The following CEP63 variants were observed in gnomAD, a reference collection of about 807,000 sequenced individuals.
CEP63 encodes centrosomal protein of 63 kDa.
Under a neutral mutation model 89.1 loss-of-function variants are expected in CEP63, and 84 were observed. That is an observed-to-expected ratio of 0.94 (90% CI 0.79 to 1.13). The LOEUF is 1.13. CEP63 is among the 50% of genes most tolerant of loss of function. The probability of loss-of-function intolerance (pLI) is 0.00; values close to 1 mark genes in which losing one functional copy is unlikely to be tolerated. For synonymous variants in CEP63, 267 were observed against 272.5 expected (o/e 0.98, Z 0.20); for missense variants, 838 against 813.3 (o/e 1.03, Z -0.37).
the CEP63 span, among the ~76,000 whole-genome samples, chr3:134,700,746 G>A: frequency 6.6e-6 from 1 of 152,058 alleles, no homozygotes; most frequent in Non-Finnish European, 1.5e-5. Flanking sequence ...GGGAGATGAA[G>A]GTCTCACTGT....
the CEP63 span, among the ~76,000 whole-genome samples, chr3:134,643,783 G>A: frequency 6.6e-6 from 1 of 151,890 alleles, no homozygotes; most frequent in Non-Finnish European, 1.5e-5. Flanking sequence ...TTCTGACCTG[G>A]GACTTGAACC....
the CEP63 span, among the ~76,000 whole-genome samples, chr3:134,768,462 G>A: frequency 1.3e-5 from 2 of 152,178 alleles, no homozygotes; most frequent in African/African-American, 2.4e-5. Context: ...GTGACCAGAG[G>A]CATTTTTCCT....
exon 12 of CEP63, chr3:134,574,930 C>T (rs1958161645): frequency 2.0e-6 from 1 of 489,676 alleles, no homozygotes; most frequent in Admixed American, 3.7e-5. Flanking sequence ...AACAATTTGT[C>T]AATGAAACAA....
chr3:134,520,702 G>T lies in CEP63; in HGVS notation c.223-11143G>T, dbSNP rs114804478. Among the ~76,000 whole-genome samples, 166 of 152,234 alleles carry T rather than the reference G, an allele frequency of 1.1e-3. 1 individual carries two copies. The highest frequency in any genetic ancestry group is 3.9e-3 in the African/African-American group (160 of 41,546). ...GATAGAAAAACAGACCAATGGAACA[G>T]AATAAAGAGTCCCGTAACAGAGATC... On this transcript the variant is annotated intron_variant, in intron 3 of 14. Coordinates refer to ENST00000675561, the MANE Select transcript of CEP63 (RefSeq NM_001353108.3).
At chr3:134,670,443 G>A in the CEP63 span, among the ~76,000 whole-genome samples, 12 of 152,246 alleles carry the variant, frequency 7.9e-5, no homozygotes, top group African/African-American at 2.4e-4. Context: ...AGAGAACAGA[G>A]TGGGGATCAA....
chr3:134,529,896 C>T (rs1238493300), intron 3 of CEP63, among the ~76,000 whole-genome samples: 7 of 96,148 alleles, frequency 7.3e-5, no homozygotes, highest in South Asian at 3.3e-4. Context: ...TTTTTTTAGA[C>T]GGGGTCTTGC....
At chr3:134,766,930 G>C in the CEP63 span, among the ~76,000 whole-genome samples, 1 of 152,196 alleles carries the variant, frequency 6.6e-6, no homozygotes, top group Admixed American at 6.5e-5. Context: ...GGCTTGAGAG[G>C]TTCCTGTAGC....
At chr3:134,762,371 C>T in the CEP63 span, among the ~76,000 whole-genome samples, 3 of 152,080 alleles carry the variant, frequency 2.0e-5, no homozygotes, top group African/African-American at 7.2e-5. Context: ...ACTTTCATCC[C>T]CCAGATGCCA....
At chr3:134,625,734 G>A in the CEP63 span, among the ~76,000 whole-genome samples, 3 of 152,266 alleles carry the variant, frequency 2.0e-5, no homozygotes, top group Admixed American at 6.5e-5. Flanking sequence ...CTGGAGACCT[G>A]AGCATCTCAA....
the CEP63 span, among the ~76,000 whole-genome samples, chr3:134,705,498 G>A: frequency 3.3e-5 from 5 of 152,190 alleles, no homozygotes; most frequent in African/African-American, 1.2e-4. Flanking sequence ...CTCCCAATAT[G>A]TTTCCATTGA....
chr3:134,650,687 G>C, the CEP63 span: 2 of 791,522 alleles, frequency 2.5e-6, no homozygotes, highest in East Asian at 3.0e-5. Context: ...GCGGGGAAGC[G>C]ACGGCAGCCA....
intron 11 of CEP63, among the ~76,000 whole-genome samples, chr3:134,551,123 G>C (rs1346262716): frequency 6.6e-6 from 1 of 152,176 alleles, no homozygotes; most frequent in Non-Finnish European, 1.5e-5. Context: ...GGAAACTGGT[G>C]GAGAGGACAT....
the CEP63 span, chr3:134,780,432 A>G: frequency 7.9e-5 from 12 of 152,204 alleles, no homozygotes; most frequent in African/African-American, 2.9e-4. Context: ...ATCCCCTGGT[A>G]ACCACTAATC....
chr3:134,498,897 A>G (rs1040156715), intron 2 of CEP63, among the ~76,000 whole-genome samples: 2 of 152,182 alleles, frequency 1.3e-5, no homozygotes, highest in African/African-American at 2.4e-5. Flanking sequence ...CCACTTGATC[A>G]TGCTGTATTA....
chr3:134,543,782 C>T (rs976735633), intron 6 of CEP63, among the ~76,000 whole-genome samples: 1 of 152,294 alleles, frequency 6.6e-6, no homozygotes, highest in African/African-American at 2.4e-5. Flanking sequence ...CCCTTTTCTC[C>T]TTCTCACCCT....
Position 134,565,020 on chromosome 3 carries a change from G to A in CEP63, c.*3485G>A, listed in dbSNP as rs1473875201. The A allele has an allele frequency of 2.1e-6, 2 of 943,572 alleles. No individual in the cohort carries two copies. Among genetic ancestry groups the A allele is most frequent in the Non-Finnish European group, 2.5e-6 (2 of 792,190 alleles). The allele number at this position is 943,572 out of a possible 1,614,324, so 58.4% of individuals were successfully genotyped here. A position where few individuals can be genotyped will look rare whatever the true frequency, so the allele number is the denominator to read the frequency against. On this transcript the variant is annotated 3_prime_UTR_variant, in exon 15 of 15. Coordinates refer to ENST00000675561, the MANE Select transcript of CEP63 (RefSeq NM_001353108.3). ...ATATTAATACCAAATATTAAAATGT[G>A]TCAAGACTAAATCTGAGTTAGTGTC...
chr3:134,597,390 A>C, the CEP63 span, among the ~76,000 whole-genome samples: 1 of 152,172 alleles, frequency 6.6e-6, no homozygotes, highest in Non-Finnish European at 1.5e-5. Flanking sequence ...TGGATCCCAG[A>C]TGGCTTTGGG....
chr3:134,754,858 C>T, the CEP63 span, among the ~76,000 whole-genome samples: 1 of 152,150 alleles, frequency 6.6e-6, no homozygotes, highest in African/African-American at 2.4e-5. Context: ...GCTCCTTCCC[C>T]CTAGCCCAAT....
chr3:134,486,451 C>T, intron 1 of CEP63: 4 of 985,568 alleles, frequency 4.1e-6, no homozygotes, highest in Non-Finnish European at 4.8e-6. Flanking sequence ...GCCCTGCACA[C>T]TGGCGGAGTC....
Sources: gnomAD v4.1 joint callset for allele counts (sites outside exome capture counted in the v4.1 genomes callset) on GRCh38, gnomAD v4.1.1 for gene constraint, MANE v1.5 for transcripts, NCBI Gene and HGNC (gene_info 2026-07-23, HGNC 2026-07-21) for gene names.